Variants in BRCA1 observed in about 807,000 individuals in gnomAD.
BRCA1 encodes the protein breast cancer type 1 susceptibility protein.
Under a neutral mutation model 173.7 loss-of-function variants are expected in BRCA1, and 140 were observed. The ratio of observed to expected loss-of-function variants is 0.81; its 90% confidence interval spans 0.70 to 0.93. The LOEUF is 0.93. Ranked by LOEUF, BRCA1 falls within the 40% of genes least tolerant of loss-of-function variation. The pLI, the probability that BRCA1 is intolerant of heterozygous loss-of-function variation, is 0.00. For missense variants in BRCA1, 1,983 were observed against 2,172.5 expected, an observed-to-expected ratio of 0.91 and a Z score of 1.73; for synonymous variants, 662 against 756.0, an observed-to-expected ratio of 0.88 and a Z score of 2.04.
At position 43,106,682 on chromosome 17, in the gene BRCA1, T is replaced by A. The variant is rs576534569; in HGVS notation, c.135-149A>T. On this transcript the variant is annotated intron_variant, in intron 3 of 22. Transcript: ENST00000357654. The stretch of plus-strand genomic sequence containing the variant: ...ATGGCAGGTGAATTACAAGCAATAG[T>A]TTCCTAATTGTTTTTGGATGCTGCA... 4.7e-6 allele frequency: 3 copies of A among 641,744 alleles called. No homozygotes were observed. The African/African-American group carries it at 5.5e-5, about 12-fold the overall frequency. 39.8% of individuals were successfully genotyped at this position (641,744 alleles called of 1,614,324 possible).
rs1555592819 is a variant in BRCA1, at chr17:43,094,607, G to A, written c.924C>T (p.Ser308=). Residue 308 remains serine, a synonymous_variant, in exon 10 of 23, where the codon AGC becomes AGT. Transcript: ENST00000357654. ...GGCTCCTTGCTAAGCCAGGCTGTTT[G>A]CTTTTATTACAGAATTCAGCCTTTT... ...NVEKAEFCNK[S]KQPGLARSQH... 3 of 1,614,092 alleles carry A rather than the reference G, an allele frequency of 1.9e-6. No homozygotes were observed. The highest frequency in any genetic ancestry group is 2.2e-5 in the East Asian group (1 of 44,882).
At chr17:43,138,476 C>T in intron 1 of BRCA1, 1 of 612,482 alleles carries the variant, frequency 1.6e-6, no homozygotes, top group East Asian at 2.8e-5. Context: ...CCATGTGACT[C>T]CACCGTAGAC....
rs1057521869 is a variant in BRCA1, at chr17:43,125,296, C to G, written c.-45G>C. ...CTTTACCCAGAGCAGAGGGTGAAGG[C>G]CTCCTGAGCGCAGGGGCCCAGTTAT... On this transcript the variant is annotated 5_prime_UTR_variant, in exon 1 of 23. Transcript: ENST00000357654. 8.8e-6 allele frequency: 4 copies of G among 456,312 alleles called. No individual in the cohort carries two copies. Among genetic ancestry groups the G allele is most frequent in the Non-Finnish European group, 1.3e-5 (3 of 226,968 alleles). 28.3% of individuals were successfully genotyped at this position (456,312 alleles called of 1,614,324 possible).
chr17:43,109,049 T>TCTACCTACCTATCTAC (rs2054924499), intron 3 of BRCA1, among the ~76,000 whole-genome samples: 1 of 152,082 alleles, frequency 6.6e-6, no homozygotes, highest in Non-Finnish European at 1.5e-5. Flanking sequence ...TCTCTATCTA[T>TCTACCTACCTATCTAC]CTACCTACCT....
At chr17:43,050,404 C>T (rs973703393) in intron 20 of BRCA1, among the ~76,000 whole-genome samples, 1 of 151,462 alleles carries the variant, frequency 6.6e-6, no homozygotes, top group Non-Finnish European at 1.5e-5. Flanking sequence ...GTCAGGAGAT[C>T]GGGACCATAT....
chr17:43,111,611 G>T (rs2055038803), intron 3 of BRCA1, among the ~76,000 whole-genome samples: 1 of 151,836 alleles, frequency 6.6e-6, no homozygotes, highest in Non-Finnish European at 1.5e-5. Context: ...CACGAGGTCA[G>T]GAGATCGAGA....
intron 1 of BRCA1, among the ~76,000 whole-genome samples, chr17:43,135,941 A>C (rs1238012092): frequency 7.2e-5 from 11 of 152,178 alleles, no homozygotes; most frequent in Non-Finnish European, 1.3e-4. Flanking sequence ...TGAAGATGCC[A>C]GGGCACCTCT....
chr17:43,153,294 G>A (rs1385137597), intron 1 of BRCA1, among the ~76,000 whole-genome samples: 1 of 152,132 alleles, frequency 6.6e-6, no homozygotes, highest in African/African-American at 2.4e-5. Context: ...TTTCCCCTGA[G>A]AAAAAGAAGG....
intron 1 of BRCA1, among the ~76,000 whole-genome samples, chr17:43,136,567 A>G (rs1174861228): frequency 6.6e-6 from 1 of 152,218 alleles, no homozygotes; most frequent in African/African-American, 2.4e-5. Context: ...GAATCTACAA[A>G]GAACTTAAAC....
intron 1 of BRCA1, among the ~76,000 whole-genome samples, chr17:43,154,534 T>C (rs966806731): frequency 1.3e-5 from 2 of 151,960 alleles, no homozygotes; most frequent in African/African-American, 4.8e-5. Flanking sequence ...AGCTAGACTC[T>C]GTCTCAAAAT....
chr17:43,064,365 C>T (rs755937136), intron 16 of BRCA1, among the ~76,000 whole-genome samples: 1 of 152,140 alleles, frequency 6.6e-6, no homozygotes, highest in Non-Finnish European at 1.5e-5. Context: ...TGTTGAAAAC[C>T]TAAATCTGAA....
upstream of BRCA1, among the ~76,000 whole-genome samples, chr17:43,128,049 A>AAATT (rs1410467036): frequency 7.3e-5 from 11 of 149,874 alleles, no homozygotes; most frequent in African/African-American, 2.7e-4. Context: ...AAAAAAAAAA[A>AAATT]ATGCAGGCTG....
intron 3 of BRCA1, among the ~76,000 whole-genome samples, chr17:43,111,638 G>A (rs886561236): frequency 6.6e-6 from 1 of 151,706 alleles, no homozygotes; most frequent in African/African-American, 2.4e-5. Flanking sequence ...TGGCTAACAC[G>A]GTGAAACCCT....
intron 3 of BRCA1, among the ~76,000 whole-genome samples, chr17:43,110,974 G>A (rs971207327): frequency 6.6e-6 from 1 of 151,774 alleles, no homozygotes; most frequent in Non-Finnish European, 1.5e-5. Context: ...GGTGGTGCAC[G>A]CCTGTAATCC....
At chr17:43,065,461 G>A (rs1455875379) in intron 16 of BRCA1, among the ~76,000 whole-genome samples, 1 of 152,090 alleles carries the variant, frequency 6.6e-6, no homozygotes, top group East Asian at 1.9e-4. Flanking sequence ...CTGAGGTCGG[G>A]AGTCCAAGAC....
intron 19 of BRCA1, among the ~76,000 whole-genome samples, chr17:43,051,891 T>C (rs182962125): frequency 2.6e-5 from 4 of 152,164 alleles, no homozygotes; most frequent in Non-Finnish European, 4.4e-5. Flanking sequence ...TGTCTTGGCC[T>C]TCCAAAGTGC....
Position 43,100,680 on chromosome 17 carries a change from TA to T in BRCA1, c.442-801del, listed in dbSNP as rs2054419089. 2.3e-3 allele frequency among the ~76,000 whole-genome samples: 25 copies of T among 11,066 alleles called. 5 individuals carry two copies. Among genetic ancestry groups the T allele is most frequent in the East Asian group, 0.022 (4 of 178 alleles). 7.3% of individuals were successfully genotyped at this position (11,066 alleles called of 152,430 possible). A position where few individuals can be genotyped will look rare whatever the true frequency, so the allele number is the denominator to read the frequency against. ...AACATATATATATATATATATATAA[TA>T]TATATATATATATATATATATGTAA... is the stretch of plus-strand genomic sequence containing the variant. On this transcript the variant is annotated intron_variant, in intron 6 of 22. Transcript: ENST00000357654.
intron 11 of BRCA1, 80 bp downstream of exon 11, chr17:43,090,864 A>C (rs1223231194): frequency 1.5e-6 from 2 of 1,310,082 alleles, no homozygotes; most frequent in African/African-American, 2.9e-5. Flanking sequence ...ATGTCAGCAA[A>C]CCTAAGAATG....
chr17:43,062,393 A>T (rs2051803129), intron 18 of BRCA1, among the ~76,000 whole-genome samples: 1 of 152,074 alleles, frequency 6.6e-6, no homozygotes, highest in African/African-American at 2.4e-5. Flanking sequence ...CTGCATCTGG[A>T]CTGCATATTA....
Sources: gnomAD v4.1 joint callset for allele counts (sites outside exome capture counted in the v4.1 genomes callset) on GRCh38, gnomAD v4.1.1 for gene constraint, MANE v1.5 for transcripts, NCBI Gene and HGNC (gene_info 2026-07-23, HGNC 2026-07-21) for gene names.